NFXL1: variants seen among roughly 807,000 people sequenced by gnomAD.
The protein encoded by NFXL1 is NF-X1-type zinc finger protein NFXL1.
NFXL1 carries 66 observed loss-of-function variants against 123.3 expected under a neutral mutation model. That is an observed-to-expected ratio of 0.54 (90% CI 0.44 to 0.66). The LOEUF is 0.66. Among genes scored for constraint, NFXL1 ranks in the 30% least tolerant of loss-of-function variants. NFXL1 has a pLI of 0.00. For missense variants in NFXL1, 944 were observed against 1,125.6 expected (o/e 0.84, Z 2.31); for synonymous variants, 346 against 360.8 (o/e 0.96, Z 0.46).
intron 3 of NFXL1, among the ~76,000 whole-genome samples, chr4:47,910,521 C>CCCGCT (rs1737777187): frequency 6.6e-6 from 1 of 152,034 alleles, no homozygotes; most frequent in Non-Finnish European, 1.5e-5. Flanking sequence ...AAAACTTGCC[C>CCCGCT]CAGTCCACCG....
At chr4:47,852,227 ACTTTT>A (rs2110025049) in intron 20 of NFXL1, 2 of 312,670 alleles carry the variant, frequency 6.4e-6, no homozygotes, top group African/African-American at 4.4e-5. Flanking sequence ...TTTATTCTTT[ACTTTT>A]CTTTATTGTT....
At chr4:47,875,378 C>A in intron 17 of NFXL1, 85 bp from the exon 18 acceptor site, 3 of 960,372 alleles carry the variant, frequency 3.1e-6, no homozygotes, top group South Asian at 2.0e-5. Flanking sequence ...TTTATATATC[C>A]CATTAAAATA....
In NFXL1 at chr4:47,914,066, AG is replaced by A. The variant is rs1737986862; in HGVS notation, c.137del (p.Pro46LeufsTer35). On this transcript the variant is annotated frameshift_variant, in exon 2 of 23. Coordinates refer to ENST00000507489, the MANE Select transcript of NFXL1 (RefSeq NM_001278624.2). LOFTEE classifies it high-confidence loss of function. Reference protein sequence around the residue: ...GREKGSVGAVPSGTSPGGVAT... With the variant: ...GREKGSVGAVXSGTSPGGVAT... ...CGACTCCTCCGGGACTGGTGCCAGA[AG>A]GAACTGCGCCCACCGACCCCTTCTC... 1 of 1,549,668 alleles carries A rather than the reference AG, an allele frequency of 6.5e-7. No homozygotes were observed. The highest frequency in any genetic ancestry group is 1.2e-5 in the South Asian group (1 of 84,048).
chr4:47,890,759 G>A, intron 11 of NFXL1, 56 bp from the exon 12 acceptor site: 1 of 933,460 alleles, frequency 1.1e-6, no homozygotes, highest in Non-Finnish European at 1.7e-6. Flanking sequence ...TGAATAATAG[G>A]CATGTCATTA....
rs568112341 is a variant in NFXL1, at chr4:47,899,290, C to T, written c.826+80G>A. On this transcript the variant is annotated intron_variant, in intron 6 of 22. Coordinates refer to ENST00000507489, the MANE Select transcript of NFXL1 (RefSeq NM_001278624.2). ...ATGGCAAACTAAACTGTGAATTCAA[C>T]TTTTACAATTTTTTTTTTTGCCTCA... 7 of 1,382,664 alleles carry T rather than the reference C, an allele frequency of 5.1e-6. No individual in the cohort carries two copies. The South Asian group carries it at 9.7e-5, about 19-fold the overall frequency. 85.6% of individuals were successfully genotyped at this position (1,382,664 alleles called of 1,614,324 possible).
chr4:47,869,626 T>C (rs1191819247), intron 18 of NFXL1, among the ~76,000 whole-genome samples: 2 of 152,150 alleles, frequency 1.3e-5, no homozygotes, highest in Non-Finnish European at 2.9e-5. Context: ...CCATAAGCTT[T>C]AAGCACATCT....
intron 3 of NFXL1, among the ~76,000 whole-genome samples, 185 bp from the exon 4 acceptor site, chr4:47,905,531 A>G (rs1737529895): frequency 6.6e-6 from 1 of 152,198 alleles, no homozygotes; most frequent in Non-Finnish European, 1.5e-5. Context: ...AAGTCTGTGT[A>G]TTAAATCTTG....
chr4:47,914,540 A>G lies in NFXL1; in HGVS notation c.-178T>C, dbSNP rs1314169727. ...GCGGGAGCGTGGTAGGGGAAGAGTC[A>G]CAGACTGACCCTGCGTCTCCCGCCG... On this transcript the variant is annotated 5_prime_UTR_variant, in exon 1 of 23. Transcript: ENST00000507489. The G allele has an allele frequency of 1.9e-5, 5 of 265,554 alleles. No homozygotes were observed. The highest frequency in any genetic ancestry group is 1.2e-4 in the South Asian group (1 of 8,418). 16.4% of individuals were successfully genotyped at this position (265,554 alleles called of 1,614,324 possible).
chr4:47,885,445 G>T, intron 14 of NFXL1, 53 bp downstream of exon 14: 1 of 1,438,052 alleles, frequency 7.0e-7, no homozygotes, highest in Non-Finnish European at 9.6e-7. Context: ...GTAAAAGCAA[G>T]AAAGTACAAC....
At chr4:47,869,575 T>C (rs188079692) in intron 18 of NFXL1, among the ~76,000 whole-genome samples, 11 of 152,274 alleles carry the variant, frequency 7.2e-5, no homozygotes, top group Admixed American at 2.6e-4. Flanking sequence ...GAAAGTAGTA[T>C]ATACATGAAT....
chr4:47,880,388 C>G (rs1736018160), intron 15 of NFXL1, among the ~76,000 whole-genome samples: 1 of 144,796 alleles, frequency 6.9e-6, no homozygotes, highest in South Asian at 2.2e-4. Context: ...CACTCCTTCT[C>G]CATGAAAAGC....
rs1477929130 is a variant in NFXL1, at chr4:47,879,080, T to TGAGGTAA, written c.1938+15_1938+16insTTACCTC. ...TAGATTATAAGCTTTACTTAAAAAT[T>TGAGGTAA]GTGCCTGTAACTTACCTCATGTTTC... is the stretch of plus-strand genomic sequence containing the variant. On this transcript the variant is annotated intron_variant, in intron 16 of 22. Transcript: ENST00000507489. 6 of 1,383,206 alleles carry TGAGGTAA rather than the reference T, an allele frequency of 4.3e-6. No homozygotes were observed. In the Admixed American group the frequency reaches 1.5e-4, roughly 35 times the overall value. 85.7% of individuals were successfully genotyped at this position (1,383,206 alleles called of 1,614,324 possible).
intron 18 of NFXL1, among the ~76,000 whole-genome samples, chr4:47,869,101 T>TGTA (rs1339779162): frequency 6.6e-6 from 1 of 152,170 alleles, no homozygotes; most frequent in Non-Finnish European, 1.5e-5. Flanking sequence ...GGTATGTGCC[T>TGTA]GTAGCCCCAG....
In NFXL1 at chr4:47,878,570, T is replaced by C. The variant is rs1735891690; in HGVS notation, c.2034A>G (p.Glu678=). ...LDCQNHTCMK[E]CHKVTKTDGC... ...CATCAGTTTTGGTTACTTTGTGGCA[T>C]TCTTTCATACATGTGTGATTCTGAC... Residue 678 remains glutamate, a synonymous_variant, in exon 17 of 23, where the codon GAA becomes GAG. Coordinates refer to ENST00000507489, the MANE Select transcript of NFXL1 (RefSeq NM_001278624.2). The C allele has an allele frequency of 6.2e-7, 1 of 1,607,004 alleles. No individual in the cohort carries two copies. Among genetic ancestry groups the C allele is most frequent in the Non-Finnish European group, 8.5e-7 (1 of 1,176,662 alleles).
intron 12 of NFXL1, among the ~76,000 whole-genome samples, chr4:47,887,804 C>A (rs1163413072): frequency 6.6e-6 from 1 of 152,136 alleles, no homozygotes; most frequent in Non-Finnish European, 1.5e-5. Flanking sequence ...TCTAAACAGT[C>A]TCCCTACTGA....
At chr4:47,892,854 G>C (rs537195956) in intron 11 of NFXL1, among the ~76,000 whole-genome samples, 1 of 152,174 alleles carries the variant, frequency 6.6e-6, no homozygotes, top group African/African-American at 2.4e-5. Flanking sequence ...AAAGAAGCAG[G>C]AAAACATAAC....
At position 47,890,382 on chromosome 4, in the gene NFXL1, T is replaced by G. The variant is rs574569894; in HGVS notation, c.1543+231A>C. Among the ~76,000 whole-genome samples the G allele has an allele frequency of 1.0e-3, 155 of 152,328 alleles. 2 individuals are homozygous for G. The South Asian group carries it at 0.024, about 24-fold the overall frequency. On this transcript the variant is annotated intron_variant, in intron 12 of 22. Transcript: ENST00000507489. ...TATATACAGAAATCCTGGGTTCAAA[T>G]GTACTAGACATTTCCCTGAGTAAGT...
Position 47,914,215 on chromosome 4 carries a change from AG to A in NFXL1, c.-2-11del, listed in dbSNP as rs1560609310. 18 of 1,416,472 alleles carry A rather than the reference AG, an allele frequency of 1.3e-5. No individual in the cohort carries two copies. Among genetic ancestry groups the A allele is most frequent in the Middle Eastern group, 2.1e-4 (1 of 4,686 alleles). The allele number at this position is 1,416,472 out of a possible 1,614,324, so 87.7% of individuals were successfully genotyped here. A position where few individuals can be genotyped will look rare whatever the true frequency, so the allele number is the denominator to read the frequency against. On this transcript the variant is annotated splice_polypyrimidine_tract_variant and intron_variant, in intron 1 of 22. Coordinates refer to ENST00000507489, the MANE Select transcript of NFXL1 (RefSeq NM_001278624.2). ...CAGGAAGCTTCCATCCCTGCAAAGGAGAAAAAAAAAAAAAAGAGTGGAAGGA... is the reference window on the plus strand; with the variant it reads ...CAGGAAGCTTCCATCCCTGCAAAGGAAAAAAAAAAAAAAAGAGTGGAAGGA...
At chr4:47,884,109 C>T (rs530030013) in intron 15 of NFXL1, among the ~76,000 whole-genome samples, 2 of 152,112 alleles carry the variant, frequency 1.3e-5, no homozygotes, top group Non-Finnish European at 2.9e-5. Flanking sequence ...CTAAGAAGGG[C>T]ATCAAACTCC....
Sources: allele counts gnomAD v4.1 joint callset (sites outside exome capture counted in the v4.1 genomes callset), GRCh38; gene constraint gnomAD v4.1.1; transcripts MANE v1.5; gene names NCBI Gene and HGNC (gene_info 2026-07-23, HGNC 2026-07-21).